LRRC75A: variants seen among roughly 807,000 people sequenced by gnomAD.
The protein encoded by LRRC75A is leucine-rich repeat-containing protein 75A.
LRRC75A carries 12 observed loss-of-function variants against 26.0 expected under a neutral mutation model. The ratio of observed to expected loss-of-function variants is 0.46; its 90% CI spans 0.30 to 0.75. The LOEUF (loss-of-function observed/expected upper bound fraction) is 0.75. Ranked by LOEUF, LRRC75A falls within the 30% of genes least tolerant of loss-of-function variation. The pLI, the probability that LRRC75A is intolerant of heterozygous loss-of-function variation, is 0.08. For missense variants in LRRC75A, 410 were observed against 486.6 expected (o/e 0.84, Z 1.48); for synonymous variants, 223 against 219.3 (o/e 1.02, Z -0.15).
intron 1 of LRRC75A, among the ~76,000 whole-genome samples, chr17:16,464,474 C>G (rs529098837): frequency 5.9e-5 from 9 of 152,198 alleles, no homozygotes; most frequent in Non-Finnish European, 1.2e-4. Context: ...GACAGTGACC[C>G]CAGCATCACA....
At chr17:16,457,225 CCATAAATT>C in intron 2 of LRRC75A, among the ~76,000 whole-genome samples, 1 of 152,228 alleles carries the variant, frequency 6.6e-6, no homozygotes, top group South Asian at 2.1e-4. Flanking sequence ...CCTCCCTCAT[CCATAAATT>C]CATTCATACA....
chr17:16,477,799 G>A (rs139820728), intron 1 of LRRC75A, among the ~76,000 whole-genome samples: 10 of 152,166 alleles, frequency 6.6e-5, no homozygotes, highest in South Asian at 4.2e-4. Context: ...GAAAATCAGC[G>A]AGGCTTCCGG....
Position 16,443,534 on chromosome 17 carries a change from G to A in LRRC75A, c.*54C>T. ...ATAGGAGAAGCGCCCTCCCCTGCCT[G>A]CCTTGCCCATTCTACCCAACAAGGA... On this transcript the variant is annotated 3_prime_UTR_variant, in exon 4 of 4. Transcript: ENST00000470794. 4.2e-6 allele frequency: 6 copies of A among 1,430,478 alleles called. No individual in the cohort carries two copies. Among genetic ancestry groups the A allele is most frequent in the Middle Eastern group, 2.4e-4 (1 of 4,206 alleles). The allele number at this position is 1,430,478 out of a possible 1,614,324, so 88.6% of individuals were successfully genotyped here. A position where few individuals can be genotyped will look rare whatever the true frequency, so the allele number is the denominator to read the frequency against.
chr17:16,447,952 A>T lies in LRRC75A; in HGVS notation c.384T>A (p.Asp128Glu), dbSNP rs761766426. The change falls in exon 3 of 4, where the codon GAT becomes GAA. Residue 128 changes from aspartate (D) to glutamate (E), a missense_variant. Coordinates refer to ENST00000470794, the MANE Select transcript of LRRC75A (RefSeq NM_001113567.3). ...RYIHCPKPEG[D>E]ALGAMEKLCR... ...ACAGCTTCTCCATGGCGCCCAGTGC[A>T]TCGCCTTCCTGCAGAGGCAACCATG... 3.2e-6 allele frequency: 5 copies of T among 1,550,878 alleles called. No individual in the cohort carries two copies. In the South Asian group the frequency reaches 3.6e-5, roughly 11 times the overall value.
chr17:16,456,307 GAGGAGGAAGAGGAGA>G (rs1431464480), intron 2 of LRRC75A, among the ~76,000 whole-genome samples: 1 of 118,708 alleles, frequency 8.4e-6, no homozygotes, highest in Non-Finnish European at 1.8e-5. Flanking sequence ...GGAAGAGGAG[GAGGAGGAAGAGGAGA>G]AGAAGGAAGA....
intron 1 of LRRC75A, among the ~76,000 whole-genome samples, chr17:16,466,496 A>G (rs1040433552): frequency 6.6e-6 from 1 of 152,168 alleles, no homozygotes; most frequent in African/African-American, 2.4e-5. Context: ...CATTGAGGAC[A>G]ATCCCATTTT....
chr17:16,465,134 G>A (rs1035919570), intron 1 of LRRC75A, among the ~76,000 whole-genome samples: 2 of 152,234 alleles, frequency 1.3e-5, no homozygotes, highest in African/African-American at 4.8e-5. Flanking sequence ...AGGCTGGGCT[G>A]CTCCTCTGTG....
intron 2 of LRRC75A, among the ~76,000 whole-genome samples, chr17:16,456,325 A>AAGAGGAGG (rs2093683234): frequency 3.9e-5 from 3 of 76,038 alleles, no homozygotes; most frequent in Non-Finnish European, 7.9e-5. Context: ...AGAGGAGAAG[A>AAGAGGAGG]AGGAAGAGGA....
chr17:16,478,283 GT>G (rs1305754801), intron 1 of LRRC75A: 2 of 150,890 alleles, frequency 1.3e-5, no homozygotes, highest in Non-Finnish European at 2.9e-5. Context: ...CGCCTCCCAA[GT>G]TTAAGCGATT....
At chr17:16,445,061 C>T (rs2093570362) in intron 3 of LRRC75A, among the ~76,000 whole-genome samples, 1 of 150,020 alleles carries the variant, frequency 6.7e-6, no homozygotes, top group African/African-American at 2.5e-5. Flanking sequence ...GTTGGCCAGA[C>T]TGGTCTGGAA....
At chr17:16,463,588 G>A (rs2143176457) in intron 1 of LRRC75A, 1 of 152,384 alleles carries the variant, frequency 6.6e-6, no homozygotes, top group South Asian at 2.1e-4. Flanking sequence ...TCCCAGCCCA[G>A]GTGGCTGGGG....
At chr17:16,474,995 CAAAA>C (rs551285458) in intron 1 of LRRC75A, among the ~76,000 whole-genome samples, 2 of 77,228 alleles carry the variant, frequency 2.6e-5, no homozygotes, top group Admixed American at 1.5e-4. Context: ...GACTCCGTCT[CAAAA>C]AAAAAAAAAA....
chr17:16,474,782 C>G (rs1274202153), intron 1 of LRRC75A, among the ~76,000 whole-genome samples: 3 of 151,816 alleles, frequency 2.0e-5, no homozygotes, highest in African/African-American at 4.8e-5. Flanking sequence ...ATCACGAGGT[C>G]AGGAGATGAG....
At chr17:16,490,594 G>A (rs751779646) in intron 1 of LRRC75A, among the ~76,000 whole-genome samples, 2 of 152,148 alleles carry the variant, frequency 1.3e-5, no homozygotes, top group Admixed American at 6.5e-5. Flanking sequence ...TTTAGGGTAA[G>A]AGCGCACCAG....
rs2093856712 is a variant in LRRC75A, at chr17:16,491,370, G to T, written c.246+375C>A. Among the ~76,000 whole-genome samples the T allele has an allele frequency of 6.6e-6, 1 of 152,240 alleles. No homozygotes were observed. The highest frequency in any genetic ancestry group is 2.1e-4 in the South Asian group (1 of 4,836). ...TCCTTGAGGACCCTCGGCCGGGAGT[G>T]ACTGCCAGTGGGCAGACAGGAAGAA... On this transcript the variant is annotated intron_variant, in intron 1 of 3. Coordinates refer to ENST00000470794, the MANE Select transcript of LRRC75A (RefSeq NM_001113567.3). This position sits in a 1 kb window ranked among gnomAD's most constrained non-coding sequence, Gnocchi z 5.9.
chr17:16,476,919 T>C (rs946109730), intron 1 of LRRC75A, among the ~76,000 whole-genome samples: 2 of 151,888 alleles, frequency 1.3e-5, no homozygotes, highest in Admixed American at 1.3e-4. Context: ...TTTGTATTTT[T>C]AGTAGAGACG....
Position 16,462,512 on chromosome 17 carries a change from T to C in LRRC75A, c.247-126A>G. On this transcript the variant is annotated intron_variant, in intron 1 of 3. Transcript: ENST00000470794. The surrounding 1 kb of genome is among the most constrained non-coding windows in gnomAD (Gnocchi z 4.6). The stretch of plus-strand genomic sequence containing the variant: ...CCTCCCAGAGCCCCGGTGGGGAGCA[T>C]CTGCAGAACTTCCCTCAGGGGCTGG... 7.9e-7 allele frequency: 1 copy of C among 1,263,996 alleles called. No individual in the cohort carries two copies. The highest frequency in any genetic ancestry group is 1.1e-6 in the Non-Finnish European group (1 of 923,134). 78.3% of individuals were successfully genotyped at this position (1,263,996 alleles called of 1,614,324 possible).
chr17:16,454,537 C>A (rs2093661121), intron 2 of LRRC75A, among the ~76,000 whole-genome samples: 1 of 150,078 alleles, frequency 6.7e-6, no homozygotes, highest in Non-Finnish European at 1.5e-5. Context: ...ACTGAAAATA[C>A]AAAATTAGCC....
chr17:16,483,990 A>G (rs1446784708), intron 1 of LRRC75A, among the ~76,000 whole-genome samples: 1 of 152,168 alleles, frequency 6.6e-6, no homozygotes, highest in African/African-American at 2.4e-5. Flanking sequence ...TGCTTTTATA[A>G]TATTTTAAAA....
Sources: gnomAD v4.1 joint callset for allele counts (sites outside exome capture counted in the v4.1 genomes callset) on GRCh38, gnomAD v4.1.1 for gene constraint, Gnocchi (gnomAD v3.1) non-coding constraint, MANE v1.5 for transcripts, NCBI Gene and HGNC (gene_info 2026-07-23, HGNC 2026-07-21) for gene names.